Variants in SOX6 observed in about 807,000 individuals in gnomAD.
The protein encoded by SOX6 is transcription factor SOX-6.
In SOX6, 11 loss-of-function variants were observed where a neutral mutation model predicts 97.8. The ratio of observed to expected loss-of-function variants is 0.11; its 90% CI spans 0.07 to 0.19. The LOEUF is 0.19. Ranked by LOEUF, SOX6 falls within the 10% of genes least tolerant of loss-of-function variation. The pLI, the probability that SOX6 is intolerant of heterozygous loss-of-function variation, is 1.00. For missense variants in SOX6, 810 were observed against 1,039.5 expected, an observed-to-expected ratio of 0.78 and a Z score of 3.04; for synonymous variants, 360 against 371.4, an observed-to-expected ratio of 0.97 and a Z score of 0.35.
At chr11:16,276,279 G>C (rs967920326) in intron 3 of SOX6, among the ~76,000 whole-genome samples, 25 of 152,196 alleles carry the variant, frequency 1.6e-4, no homozygotes, top group African/African-American at 6.0e-4. Flanking sequence ...TGCCAGAAAG[G>C]TAGAAACTAA....
chr11:16,734,101 AT>A (rs1414280602), intron 2 of SOX6, among the ~76,000 whole-genome samples: 7 of 151,394 alleles, frequency 4.6e-5, no homozygotes, highest in African/African-American at 1.5e-4. Context: ...TACATTTTTC[AT>A]TTCCCTTTTC....
chr11:16,186,732 G>T, intron 5 of SOX6, 51 bp downstream of exon 5: 1 of 1,589,608 alleles, frequency 6.3e-7, no homozygotes, highest in Non-Finnish European at 8.6e-7. Flanking sequence ...TACTCTCTGA[G>T]CCTGGCACAT....
intron 1 of SOX6, among the ~76,000 whole-genome samples, chr11:16,430,958 T>C (rs1171673603): frequency 3.3e-5 from 5 of 152,208 alleles, no homozygotes; most frequent in African/African-American, 1.2e-4. Context: ...GTTTAAATTA[T>C]GCCTGTCCTC....
At chr11:16,380,405 T>C (rs145550488) in intron 1 of SOX6, among the ~76,000 whole-genome samples, 68 of 152,222 alleles carry the variant, frequency 4.5e-4, no homozygotes, top group African/African-American at 1.4e-3. Flanking sequence ...GCTTTTATAA[T>C]TTCTTTTTCA....
At chr11:16,022,410 T>C (rs1416040855) in intron 12 of SOX6, among the ~76,000 whole-genome samples, 1 of 146,188 alleles carries the variant, frequency 6.8e-6, no homozygotes, top group African/African-American at 2.6e-5. Flanking sequence ...TCTCTCTCTC[T>C]TTCTCTTTCT....
At chr11:16,362,718 C>A (rs190536592) in intron 1 of SOX6, among the ~76,000 whole-genome samples, 2 of 152,034 alleles carry the variant, frequency 1.3e-5, no homozygotes, top group Admixed American at 1.3e-4. Flanking sequence ...TGCAGAATTC[C>A]GTGCCACAGA....
intron 4 of SOX6, among the ~76,000 whole-genome samples, chr11:16,223,490 C>T (rs1852601856): frequency 6.6e-6 from 1 of 152,030 alleles, no homozygotes. Flanking sequence ...TCTCTCATTC[C>T]ACTATGAGTC....
chr11:16,097,575 C>T (rs767619966), intron 8 of SOX6, 34 bp downstream of exon 8: 19 of 1,590,218 alleles, frequency 1.2e-5, no homozygotes, highest in Non-Finnish European at 1.6e-5. Context: ...AAAGTACTGG[C>T]TCATATCCCA....
chr11:16,665,467 G>T (rs1001477735), intron 3 of SOX6, among the ~76,000 whole-genome samples: 3 of 152,194 alleles, frequency 2.0e-5, no homozygotes, highest in Non-Finnish European at 4.4e-5. Context: ...GACTAAGGGG[G>T]GAAAACAGTG....
chr11:16,338,944 G>A (rs555477962), intron 2 of SOX6, among the ~76,000 whole-genome samples: 1 of 152,024 alleles, frequency 6.6e-6, no homozygotes, highest in South Asian at 2.1e-4. Context: ...AATAAGTATA[G>A]TGTTCTCAAA....
intron 2 of SOX6, among the ~76,000 whole-genome samples, chr11:16,733,486 C>A (rs1338459260): frequency 6.6e-6 from 1 of 151,342 alleles, no homozygotes. Flanking sequence ...AATAGAAAAA[C>A]CAAACACGAC....
rs532645252 is a variant in SOX6 at position 16,713,923 on chromosome 11, G to A, written n.429+907C>T. Among the ~76,000 whole-genome samples the A allele has an allele frequency of 5.3e-5, 8 of 152,240 alleles. No homozygotes were observed. In the East Asian group the frequency reaches 1.5e-3, roughly 29 times the overall value. ...CAAAAATGTTTTACTTCCCCACTAA[G>A]CACATGGTGTCCATACTCACGATTC... On this transcript the variant is annotated intron_variant and non_coding_transcript_variant, in intron 3 of 5. Transcript: ENST00000524520.
intron 12 of SOX6, among the ~76,000 whole-genome samples, chr11:16,021,800 T>C (rs1050740854): frequency 6.6e-6 from 1 of 152,160 alleles, no homozygotes; most frequent in South Asian, 2.1e-4. Context: ...AGCATAAATA[T>C]ATCTACTGGT....
Position 16,229,396 on chromosome 11 carries a change from T to C in SOX6, c.535+5186A>G, listed in dbSNP as rs1312213213. Among the ~76,000 whole-genome samples the C allele has an allele frequency of 5.9e-5, 9 of 151,744 alleles. No individual in the cohort carries two copies. In the South Asian group the frequency reaches 1.9e-3, roughly 32 times the overall value. ...CAAAAAACAAACAAAAGAAAAGGCATAAGAATAACAGGAAAGGAGAGATAA... is the reference window on the plus strand; with the variant it reads ...CAAAAAACAAACAAAAGAAAAGGCACAAGAATAACAGGAAAGGAGAGATAA... On this transcript the variant is annotated intron_variant, in intron 4 of 15. Transcript: ENST00000683767.
At chr11:16,443,586 T>C (rs1489023695) in intron 1 of SOX6, among the ~76,000 whole-genome samples, 2 of 152,322 alleles carry the variant, frequency 1.3e-5, no homozygotes, top group East Asian at 3.9e-4. Flanking sequence ...TTCTAACTTT[T>C]ATTTTAGGTT....
Position 16,318,672 on chromosome 11 carries a change from A to G in SOX6, c.238-19T>C, listed in dbSNP as rs760725620. On this transcript the variant is annotated intron_variant, in intron 2 of 15. Transcript: ENST00000683767. ...CTGATTCCTAGAAAAATAAAATAAA[A>G]TAAAACCATTAGAATATACGTTTCT... 2.5e-6 allele frequency: 4 copies of G among 1,605,260 alleles called. No homozygotes were observed. Among genetic ancestry groups the G allele is most frequent in the Non-Finnish European group, 3.4e-6 (4 of 1,172,960 alleles).
intron 9 of SOX6, among the ~76,000 whole-genome samples, chr11:16,089,095 A>G (rs1468648228): frequency 6.6e-6 from 1 of 152,136 alleles, no homozygotes; most frequent in East Asian, 1.9e-4. Flanking sequence ...AATGAACTCA[A>G]TGCAGTTTAT....
chr11:16,406,378 T>G (rs1858687463), intron 1 of SOX6, among the ~76,000 whole-genome samples: 1 of 152,120 alleles, frequency 6.6e-6, no homozygotes, highest in Admixed American at 6.6e-5. Flanking sequence ...TGTATTTAGC[T>G]TATGCATCTG....
At chr11:16,714,485 G>C (rs1377231078) in intron 3 of SOX6, among the ~76,000 whole-genome samples, 1 of 114,782 alleles carries the variant, frequency 8.7e-6, no homozygotes, top group Admixed American at 1.2e-4. Context: ...ACAGAGTCTT[G>C]CTCTGTCGCC....
Sources: allele counts gnomAD v4.1 joint callset (sites outside exome capture counted in the v4.1 genomes callset), GRCh38; gene constraint gnomAD v4.1.1; transcripts MANE v1.5; gene names NCBI Gene and HGNC (gene_info 2026-07-23, HGNC 2026-07-21).